HERC4: variants seen among roughly 807,000 people sequenced by gnomAD.
HERC4 encodes the protein HECT and RLD domain containing E3 ubiquitin protein ligase 4, also known as probable E3 ubiquitin-protein ligase HERC4.
Under a neutral mutation model 124.3 loss-of-function variants are expected in HERC4, and 28 were observed. That is an observed-to-expected ratio of 0.23 (90% CI 0.17 to 0.31). HERC4 has a LOEUF of 0.31. Ranked by LOEUF, HERC4 falls within the 10% of genes least tolerant of loss-of-function variation. HERC4 has a pLI of 1.00. For missense variants in HERC4, 713 were observed against 1,229.3 expected (o/e 0.58, Z 6.28); for synonymous variants, 407 against 421.5 (o/e 0.97, Z 0.42).
chr10:68,000,288 T>A (rs1252624595), intron 9 of HERC4, among the ~76,000 whole-genome samples: 2 of 152,072 alleles, frequency 1.3e-5, no homozygotes, highest in Non-Finnish European at 2.9e-5. Flanking sequence ...CCTAAAACTT[T>A]GTATATTGGG....
At chr10:67,943,072 C>T (rs2033048921) in intron 19 of HERC4, among the ~76,000 whole-genome samples, 1 of 152,140 alleles carries the variant, frequency 6.6e-6, no homozygotes, top group Admixed American at 6.5e-5. Context: ...TTGAATTCTT[C>T]ATATATTAGG....
intron 1 of HERC4, among the ~76,000 whole-genome samples, chr10:68,074,381 GT>G (rs1234577730): frequency 2.6e-5 from 4 of 152,056 alleles, no homozygotes; most frequent in Non-Finnish European, 5.9e-5. Context: ...ATTAACAGAA[GT>G]TTGATTTCAT....
intron 3 of HERC4, among the ~76,000 whole-genome samples, chr10:68,057,819 C>G (rs1564604546): frequency 1.3e-5 from 2 of 151,762 alleles, no homozygotes; most frequent in Non-Finnish European, 2.9e-5. Context: ...CATGCCTCAG[C>G]CTCCTGAGTA....
intron 3 of HERC4, among the ~76,000 whole-genome samples, chr10:68,045,418 A>AT (rs1219852433): frequency 6.6e-6 from 1 of 152,248 alleles, no homozygotes; most frequent in East Asian, 1.9e-4. Flanking sequence ...TAAAGCATCT[A>AT]TTAGATATGG....
At chr10:67,996,764 C>T (rs368490057) in intron 9 of HERC4, among the ~76,000 whole-genome samples, 43 of 151,974 alleles carry the variant, frequency 2.8e-4, no homozygotes, top group African/African-American at 1.0e-3. Flanking sequence ...GTGGGTGGAT[C>T]ATGAGGTCAG....
intron 9 of HERC4, among the ~76,000 whole-genome samples, chr10:68,012,154 ATGT>A (rs2037994728): frequency 6.6e-6 from 1 of 152,182 alleles, no homozygotes. Context: ...GCTAATCCTA[ATGT>A]TGTGGCTGGT....
chr10:68,060,983 A>G (rs543820492), intron 3 of HERC4, among the ~76,000 whole-genome samples: 25 of 151,732 alleles, frequency 1.6e-4, no homozygotes, highest in African/African-American at 5.3e-4. Context: ...ACTTTCTTCC[A>G]GTTGCTTTTC....
intron 9 of HERC4, among the ~76,000 whole-genome samples, chr10:68,009,413 C>T (rs369386244): frequency 6.6e-6 from 1 of 151,898 alleles, no homozygotes; most frequent in Non-Finnish European, 1.5e-5. Flanking sequence ...CTGTGCCAGG[C>T]CAATATACTG....
At chr10:67,940,118 A>G (rs2032750032) in intron 20 of HERC4, among the ~76,000 whole-genome samples, 1 of 151,902 alleles carries the variant, frequency 6.6e-6, no homozygotes, top group Non-Finnish European at 1.5e-5. Flanking sequence ...AGTAGAGACC[A>G]GGTTTCACCA....
At position 67,992,459 on chromosome 10, in the gene HERC4, T is replaced by C. The variant is rs545070961; in HGVS notation, c.1147-136A>G. The C allele has an allele frequency of 4.1e-4, 512 of 1,238,748 alleles. 1 individual carries two copies. The highest frequency in any genetic ancestry group is 5.4e-4 in the Non-Finnish European group (481 of 888,266). 76.7% of individuals were successfully genotyped at this position (1,238,748 alleles called of 1,614,324 possible). On this transcript the variant is annotated intron_variant, in intron 10 of 24. Transcript: ENST00000373700. ...ACACCTGAAACAAAAACCTATCAAA[T>C]AGATCAGAAAAAACTTATTCTGTAG...
At position 68,075,225 on chromosome 10, in the gene HERC4, A is replaced by T. The variant is rs75793095; in HGVS notation, c.-190T>A. 3,420 of 152,892 alleles carry T rather than the reference A, an allele frequency of 0.022. 142 individuals carry two copies. Among genetic ancestry groups the T allele is most frequent in the African/African-American group, 0.078 (3,247 of 41,484 alleles). The allele number at this position is 152,892 out of a possible 1,614,324, so 9.5% of individuals were successfully genotyped here. On this transcript the variant is annotated 5_prime_UTR_variant, in exon 1 of 25. Transcript: ENST00000373700. ...GCGACCCGGATGGAGCGGGCGGGGA[A>T]GAACGGGAGGCAAGCGGGGCGGAGA...
intron 3 of HERC4, chr10:68,068,530 C>T (rs889507172): frequency 6.6e-6 from 1 of 151,560 alleles, no homozygotes; most frequent in South Asian, 2.1e-4. Context: ...CATGGTGGCA[C>T]ATAAGTGTAG....
At chr10:67,940,216 G>A (rs2032760397) in intron 20 of HERC4, among the ~76,000 whole-genome samples, 1 of 151,980 alleles carries the variant, frequency 6.6e-6, no homozygotes, top group African/African-American at 2.4e-5. Flanking sequence ...GTGAGCCACC[G>A]CACCTGGCCC....
chr10:67,959,068 G>A, intron 16 of HERC4: 1 of 1,517,012 alleles, frequency 6.6e-7, no homozygotes, highest in South Asian at 1.3e-5. Context: ...GGAGAAAATG[G>A]AGTATATTTT....
At chr10:68,047,514 A>G (rs932559783) in intron 3 of HERC4, among the ~76,000 whole-genome samples, 1 of 152,254 alleles carries the variant, frequency 6.6e-6, no homozygotes. Flanking sequence ...AAGAATGCTT[A>G]AAACTCAACA....
intron 19 of HERC4, among the ~76,000 whole-genome samples, chr10:67,945,821 T>A (rs35662615): frequency 0.54 from 80,892 of 149,590 alleles, 23,232 homozygotes; most frequent in Non-Finnish European, 0.66. Context: ...TCAAAAAACA[T>A]ACGACAGATA....
intron 4 of HERC4, among the ~76,000 whole-genome samples, chr10:68,043,746 G>A (rs1406543173): frequency 6.6e-6 from 1 of 151,374 alleles, no homozygotes; most frequent in Admixed American, 6.6e-5. Context: ...AAACCAGGAG[G>A]TGGAGGTTGC....
At chr10:67,969,370 T>G (rs1004028757) in intron 15 of HERC4, among the ~76,000 whole-genome samples, 1 of 152,118 alleles carries the variant, frequency 6.6e-6, no homozygotes, top group Non-Finnish European at 1.5e-5. Flanking sequence ...CTTGATAGTA[T>G]GAAACCCCGC....
intron 19 of HERC4, among the ~76,000 whole-genome samples, chr10:67,942,523 G>T (rs1368167632): frequency 6.6e-6 from 1 of 151,676 alleles, no homozygotes; most frequent in Admixed American, 6.6e-5. Context: ...TTGTTTGTTT[G>T]TTTTTGAGAT....
Sources: gnomAD v4.1 joint callset for allele counts (sites outside exome capture counted in the v4.1 genomes callset) on GRCh38, gnomAD v4.1.1 for gene constraint, MANE v1.5 for transcripts, NCBI Gene and HGNC (gene_info 2026-07-23, HGNC 2026-07-21) for gene names.